ARHGAP21: variants seen among roughly 807,000 people sequenced by gnomAD.
ARHGAP21 encodes the protein rho GTPase-activating protein 21.
Under a neutral mutation model 164.6 loss-of-function variants are expected in ARHGAP21, and 38 were observed. That is an observed-to-expected ratio of 0.23 (90% CI 0.18 to 0.30). ARHGAP21 has a LOEUF of 0.30. ARHGAP21 is among the 10% of genes least tolerant of loss of function. The probability of loss-of-function intolerance (pLI) is 1.00; values close to 1 mark genes in which losing one functional copy is unlikely to be tolerated. For missense variants in ARHGAP21, 1,822 were observed against 2,370.7 expected, an observed-to-expected ratio of 0.77 and a Z score of 4.81; for synonymous variants, 766 against 857.9, an observed-to-expected ratio of 0.89 and a Z score of 1.87.
chr10:24,584,386 C>A lies in ARHGAP21; in HGVS notation c.*26G>T, dbSNP rs769063034. On this transcript the variant is annotated 3_prime_UTR_variant, in exon 26 of 26. Coordinates refer to ENST00000396432, the MANE Select transcript of ARHGAP21 (RefSeq NM_020824.4). ...GGAACGTGTAACAGTAGTTTTTTTA[C>A]TTGCTAGAGTGGACATACCCCCAGT... is the stretch of plus-strand genomic sequence containing the variant. The A allele has an allele frequency of 1.3e-6, 2 of 1,538,150 alleles. No homozygotes were observed. The highest frequency in any genetic ancestry group is 8.7e-7 in the Non-Finnish European group (1 of 1,146,354).
chr10:24,673,452 A>G (rs1190524002), intron 2 of ARHGAP21, among the ~76,000 whole-genome samples: 1 of 152,226 alleles, frequency 6.6e-6, no homozygotes, highest in East Asian at 1.9e-4. Flanking sequence ...GTACAAGTAT[A>G]ATACAAATAC....
intron 2 of ARHGAP21, among the ~76,000 whole-genome samples, chr10:24,716,095 T>G (rs991788467): frequency 6.6e-6 from 1 of 152,254 alleles, no homozygotes; most frequent in African/African-American, 2.4e-5. Context: ...AAGTCTTTAT[T>G]CATTCCAAAA....
rs138200264 is a variant in ARHGAP21, at chr10:24,714,604, G to A, written c.63+7233C>T. On this transcript the variant is annotated intron_variant, in intron 2 of 25. Transcript: ENST00000396432. ...CCCTAACTTGCAGCATAAAACTTTT[G>A]GCATGGAACAGTATTCTGACACTTA... Among the ~76,000 whole-genome samples the A allele has an allele frequency of 1.1e-4, 17 of 152,174 alleles. No individual in the cohort carries two copies. The East Asian group carries it at 3.1e-3, about 28-fold the overall frequency.
At chr10:24,664,501 A>G (rs904512203) in intron 4 of ARHGAP21, among the ~76,000 whole-genome samples, 8 of 151,596 alleles carry the variant, frequency 5.3e-5, no homozygotes, top group African/African-American at 1.9e-4. Flanking sequence ...GGTGGCATTG[A>G]GCCGAGATCA....
intron 2 of ARHGAP21, among the ~76,000 whole-genome samples, chr10:24,690,179 T>C (rs1416365020): frequency 2.0e-5 from 3 of 152,242 alleles, no homozygotes; most frequent in African/African-American, 7.2e-5. Flanking sequence ...ACTACTACTA[T>C]TATTATAACT....
At position 24,603,241 on chromosome 10, in the gene ARHGAP21, AG is replaced by A. The variant is rs539174997; in HGVS notation, c.2721+1070del. 4.0e-3 allele frequency among the ~76,000 whole-genome samples: 610 copies of A among 152,322 alleles called. 1 individual carries two copies. Among genetic ancestry groups the A allele is most frequent in the South Asian group, 0.012 (56 of 4,824 alleles). On this transcript the variant is annotated intron_variant, in intron 12 of 25. Transcript: ENST00000396432. ...ATGGAGAAGTAGTCTTTCAGTTAGA[AG>A]GAAGAGCAAGAAAGTGTGGCAAGAT...
intron 19 of ARHGAP21, 82 bp downstream of exon 19, chr10:24,595,635 C>A: frequency 7.2e-7 from 1 of 1,385,560 alleles, no homozygotes; most frequent in Non-Finnish European, 1.0e-6. Flanking sequence ...GACATTTTGT[C>A]CTTGTTCAAT....
intron 7 of ARHGAP21, among the ~76,000 whole-genome samples, chr10:24,627,782 A>AT (rs1215448540): frequency 6.6e-6 from 1 of 152,232 alleles, no homozygotes; most frequent in Non-Finnish European, 1.5e-5. Flanking sequence ...TCCATTAATC[A>AT]TATCATTACA....
chr10:24,630,226 C>T (rs367685051), intron 6 of ARHGAP21, among the ~76,000 whole-genome samples, 176 bp from the exon 7 acceptor site: 3 of 152,072 alleles, frequency 2.0e-5, no homozygotes, highest in Admixed American at 6.6e-5. Flanking sequence ...CCTTTGTATA[C>T]GTAAGTTAAC....
At chr10:24,638,117 G>A (rs12416573) in intron 4 of ARHGAP21, among the ~76,000 whole-genome samples, 7,524 of 151,824 alleles carry the variant, frequency 0.05, 289 homozygotes, top group Non-Finnish European at 0.074. Flanking sequence ...CACCCTCCTC[G>A]GCTTCCCAAA....
intron 2 of ARHGAP21, among the ~76,000 whole-genome samples, chr10:24,681,178 G>A (rs1593269152): frequency 6.6e-6 from 1 of 152,042 alleles, no homozygotes; most frequent in East Asian, 1.9e-4. Flanking sequence ...ATCCCAAACA[G>A]GAACAATGGA....
intron 24 of ARHGAP21, chr10:24,590,757 A>C: frequency 1.0e-6 from 1 of 985,370 alleles, no homozygotes; most frequent in Non-Finnish European, 1.2e-6. Context: ...AAATGTATTT[A>C]TGAAAATGGT....
intron 25 of ARHGAP21, among the ~76,000 whole-genome samples, chr10:24,588,762 A>G (rs1432965227): frequency 6.6e-6 from 1 of 152,236 alleles, no homozygotes; most frequent in Non-Finnish European, 1.5e-5. Flanking sequence ...TATTTAAAAA[A>G]TTAGTGATTT....
At chr10:24,715,530 T>G (rs1845283828) in intron 2 of ARHGAP21, among the ~76,000 whole-genome samples, 1 of 152,198 alleles carries the variant, frequency 6.6e-6, no homozygotes, top group African/African-American at 2.4e-5. Flanking sequence ...TTTCATACAT[T>G]TGTACTACAC....
chr10:24,594,831 T>TTACC, intron 21 of ARHGAP21, 119 bp downstream of exon 21: 1 of 723,510 alleles, frequency 1.4e-6, no homozygotes, highest in Non-Finnish European at 2.1e-6. Flanking sequence ...TAAGAAGGAC[T>TTACC]TACCCAGTTT....
chr10:24,584,708 T>C lies in ARHGAP21; in HGVS notation c.5581A>G (p.Ser1861Gly), dbSNP rs1262718976. The change falls in exon 26 of 26, where the codon AGT becomes GGT. Residue 1861 changes from serine (S) to glycine (G), a missense_variant. Ser to Gly is a moderately conservative substitution (Grantham distance 56). Coordinates refer to ENST00000396432, the MANE Select transcript of ARHGAP21 (RefSeq NM_020824.4). ...DWLARERLRT[S>G]TSDLSRGEIG... The stretch of plus-strand genomic sequence containing the variant: ...TCTCCTCTGCTAAGGTCAGAGGTAC[T>C]GGTGCGTAGGCGTTCCCTGGCCAGC... 5 of 1,613,868 alleles carry C rather than the reference T, an allele frequency of 3.1e-6. No homozygotes were observed. The highest frequency in any genetic ancestry group is 4.2e-6 in the Non-Finnish European group (5 of 1,179,882).
chr10:24,605,485 C>A (rs1327213109), intron 11 of ARHGAP21, among the ~76,000 whole-genome samples: 1 of 152,112 alleles, frequency 6.6e-6, no homozygotes, highest in African/African-American at 2.4e-5. Flanking sequence ...AAATAGCTCA[C>A]AAATCCAACC....
Position 24,622,760 on chromosome 10 carries a change from T to C in ARHGAP21, c.498A>G (p.Leu166=), listed in dbSNP as rs749651915. The C allele has an allele frequency of 1.9e-6, 3 of 1,611,052 alleles. No individual in the cohort carries two copies. The highest frequency in any genetic ancestry group is 2.2e-5 in the East Asian group (1 of 44,730). ...GTGCTGTGACATCCTTTGTAAACTG[T>C]AGCTAGCAGAAAATAGGAAAACATA... ...MPKDEDILQV[L]QFTKDVTALA... is the part of the protein sequence containing the mutation. The change falls in exon 8 of 26, where the codon CTA becomes CTG. Residue 166 remains leucine, a splice_region_variant and synonymous_variant. Transcript: ENST00000396432.
At chr10:24,647,657 T>C (rs1029585383) in intron 4 of ARHGAP21, among the ~76,000 whole-genome samples, 4 of 152,150 alleles carry the variant, frequency 2.6e-5, no homozygotes, top group African/African-American at 9.7e-5. Context: ...TCAACACATT[T>C]ACTCAGCAAA....
Sources: allele counts gnomAD v4.1 joint callset (sites outside exome capture counted in the v4.1 genomes callset), GRCh38; gene constraint gnomAD v4.1.1; transcripts MANE v1.5; gene names NCBI Gene and HGNC (gene_info 2026-07-23, HGNC 2026-07-21).